EDN1: variants seen among roughly 807,000 people sequenced by gnomAD.
EDN1 encodes endothelin-1.
In EDN1, 11 loss-of-function variants were observed where a neutral mutation model predicts 21.7. The ratio of observed to expected loss-of-function variants is 0.51; its 90% CI spans 0.32 to 0.84. The LOEUF (loss-of-function observed/expected upper bound fraction) is 0.84. Ranked by LOEUF, EDN1 falls within the 40% of genes least tolerant of loss-of-function variation. The pLI is 0.03. For synonymous variants in EDN1, 85 were observed against 90.6 expected (o/e 0.94, Z 0.35); for missense variants, 244 against 262.3 (o/e 0.93, Z 0.48).
At chr6:12,272,974 G>C in the EDN1 span, among the ~76,000 whole-genome samples, 6 of 152,338 alleles carry the variant, frequency 3.9e-5, no homozygotes, top group East Asian at 7.7e-4. Flanking sequence ...TGGAACTGCT[G>C]TCACTGATCT....
At chr6:12,269,260 G>A in the EDN1 span, among the ~76,000 whole-genome samples, 1 of 152,002 alleles carries the variant, frequency 6.6e-6, no homozygotes, top group Admixed American at 6.6e-5. Flanking sequence ...CTATATGCAA[G>A]TTCATATCAT....
chr6:12,288,415 A>G (rs1163523184), upstream of EDN1, among the ~76,000 whole-genome samples: 1 of 152,186 alleles, frequency 6.6e-6, no homozygotes, highest in Non-Finnish European at 1.5e-5. Flanking sequence ...TGCCTGGCAC[A>G]GGCGGCAGCG....
chr6:12,279,314 A>C, the EDN1 span, among the ~76,000 whole-genome samples: 2 of 152,184 alleles, frequency 1.3e-5, no homozygotes, highest in African/African-American at 4.8e-5. Flanking sequence ...TGTCCCTGAC[A>C]CAAGGACCCT....
the EDN1 span, among the ~76,000 whole-genome samples, chr6:12,236,287 ATT>A: frequency 1.2e-4 from 18 of 149,394 alleles, no homozygotes; most frequent in East Asian, 2.0e-4. Flanking sequence ...ATGCCAAACA[ATT>A]TTTTTTTTTT....
At chr6:12,287,022 T>G (rs1475196592), upstream of EDN1, among the ~76,000 whole-genome samples, 1 of 151,574 alleles carries the variant, frequency 6.6e-6, no homozygotes, top group East Asian at 1.9e-4. Context: ...GAGGCTGAAG[T>G]AGGAGTGTCA....
At chr6:12,240,073 A>G in the EDN1 span, among the ~76,000 whole-genome samples, 1 of 152,220 alleles carries the variant, frequency 6.6e-6, no homozygotes, top group Admixed American at 6.5e-5. Context: ...CTGATTGCTT[A>G]TAGGCAGAAT....
chr6:12,265,135 AGTTTCCGAAAT>A, the EDN1 span, among the ~76,000 whole-genome samples: 1 of 152,210 alleles, frequency 6.6e-6, no homozygotes, highest in Non-Finnish European at 1.5e-5. Flanking sequence ...GGTTTGAAGA[AGTTTCCGAAAT>A]GCCAGCAGCA....
At chr6:12,277,808 T>A in the EDN1 span, among the ~76,000 whole-genome samples, 2 of 152,208 alleles carry the variant, frequency 1.3e-5, no homozygotes, top group Non-Finnish European at 2.9e-5. Flanking sequence ...TTATTCTGGA[T>A]AAGGAAATGG....
chr6:12,294,411 G>C lies in EDN1; in HGVS notation c.533+7G>C. On this transcript the variant is annotated splice_region_variant and intron_variant, in intron 4 of 4. Coordinates refer to ENST00000379375, the MANE Select transcript of EDN1 (RefSeq NM_001955.5). ...AACACCTAAGACAAACCAGGTAAGA[G>C]GGAAGGAAGAAAAATTAGGTAAGAG... 3 of 1,614,058 alleles carry C rather than the reference G, an allele frequency of 1.9e-6. No homozygotes were observed. The South Asian group carries it at 3.3e-5, about 18-fold the overall frequency.
the EDN1 span, among the ~76,000 whole-genome samples, chr6:12,273,810 A>C: frequency 6.6e-6 from 1 of 152,114 alleles, no homozygotes; most frequent in African/African-American, 2.4e-5. Flanking sequence ...TTTCAGAGAT[A>C]CTGGAGAATT....
the EDN1 span, among the ~76,000 whole-genome samples, chr6:12,262,080 AACTATCTCAGGT>A: frequency 6.6e-6 from 1 of 152,234 alleles, no homozygotes; most frequent in East Asian, 1.9e-4. Context: ...CTATTGTTTC[AACTATCTCAGGT>A]ACACCTAATT....
the EDN1 span, among the ~76,000 whole-genome samples, chr6:12,271,320 T>G: frequency 2.7e-4 from 41 of 152,208 alleles, no homozygotes; most frequent in African/African-American, 9.9e-4. Context: ...AACTTTGATT[T>G]CTTTCTCTTT....
chr6:12,243,983 C>T, the EDN1 span, among the ~76,000 whole-genome samples: 9 of 152,134 alleles, frequency 5.9e-5, no homozygotes, highest in African/African-American at 1.9e-4. Flanking sequence ...TATCTCACTG[C>T]AGACTATAAG....
At chr6:12,294,708 T>C (rs1762776800) in intron 4 of EDN1, among the ~76,000 whole-genome samples, 2 of 152,244 alleles carry the variant, frequency 1.3e-5, no homozygotes, top group South Asian at 4.1e-4. Context: ...TTGGGTTATA[T>C]ACAGCCTTTG....
the EDN1 span, among the ~76,000 whole-genome samples, chr6:12,259,075 A>G: frequency 1.3e-5 from 2 of 152,200 alleles, no homozygotes; most frequent in Non-Finnish European, 2.9e-5. Context: ...TTGACAATAC[A>G]TGGTGTTGGC....
At chr6:12,260,775 T>C in the EDN1 span, among the ~76,000 whole-genome samples, 1 of 152,202 alleles carries the variant, frequency 6.6e-6, no homozygotes, top group Non-Finnish European at 1.5e-5. Context: ...CTCTTGATTA[T>C]ATCAGGTGTG....
chr6:12,277,789 A>G, the EDN1 span, among the ~76,000 whole-genome samples: 1 of 152,234 alleles, frequency 6.6e-6, no homozygotes, highest in African/African-American at 2.4e-5. Context: ...GGGCGGGACT[A>G]CCGCCTGCTT....
the EDN1 span, among the ~76,000 whole-genome samples, chr6:12,262,073 T>C: frequency 6.6e-6 from 1 of 152,196 alleles, no homozygotes; most frequent in African/African-American, 2.4e-5. Flanking sequence ...CCACAAACTA[T>C]TGTTTCAACT....
the EDN1 span, among the ~76,000 whole-genome samples, chr6:12,244,687 T>C: frequency 1.3e-5 from 2 of 152,220 alleles, no homozygotes; most frequent in African/African-American, 4.8e-5. Flanking sequence ...ATACTGTAAG[T>C]GCTTCATGCT....
Sources: gnomAD v4.1 joint callset for allele counts (sites outside exome capture counted in the v4.1 genomes callset) on GRCh38, gnomAD v4.1.1 for gene constraint, MANE v1.5 for transcripts, NCBI Gene and HGNC (gene_info 2026-07-23, HGNC 2026-07-21) for gene names.